TMEM43: variants seen among roughly 807,000 people sequenced by gnomAD.
TMEM43 encodes transmembrane protein 43.
In TMEM43, 45 loss-of-function variants were observed where a neutral mutation model predicts 49.6. The observed-to-expected ratio is 0.91, with a 90% CI of 0.71 to 1.16. The LOEUF (loss-of-function observed/expected upper bound fraction) is 1.16, where lower values mean the gene tolerates loss of function less well. Among genes scored for constraint, TMEM43 ranks in the 50% most tolerant of loss-of-function variants. TMEM43 has a pLI of 0.00. For missense variants in TMEM43, 532 were observed against 516.6 expected (o/e 1.03, Z -0.29); for synonymous variants, 199 against 207.8 (o/e 0.96, Z 0.36).
chr3:14,135,951 T>C (rs762737458), intron 10 of TMEM43, 43 bp downstream of exon 10: 1 of 1,478,904 alleles, frequency 6.8e-7, no homozygotes, highest in Non-Finnish European at 9.5e-7. Context: ...AACAAGCATG[T>C]CCTTCCTTCC....
At chr3:14,136,470 AG>A (rs1357105865) in intron 10 of TMEM43, among the ~76,000 whole-genome samples, 1 of 152,218 alleles carries the variant, frequency 6.6e-6, no homozygotes, top group Non-Finnish European at 1.5e-5. Context: ...AGTGTTGGAA[AG>A]AGGAGAACAG....
intron 11 of TMEM43, 60 bp downstream of exon 11, chr3:14,139,357 T>A: frequency 8.3e-7 from 1 of 1,203,074 alleles, no homozygotes; most frequent in Non-Finnish European, 1.2e-6. Context: ...CTCCTCTGCC[T>A]GTCGCATCAT....
chr3:14,134,930 A>G (rs1395293197), intron 8 of TMEM43, 39 bp downstream of exon 8: 4 of 1,613,520 alleles, frequency 2.5e-6, no homozygotes, highest in Non-Finnish European at 3.4e-6. Context: ...TAGGAGGGTC[A>G]GGGCGCTAGG....
Position 14,141,627 on chromosome 3 carries a change from C to G in TMEM43, c.1035C>G (p.Asn345Lys). The G allele has an allele frequency of 1.2e-6, 2 of 1,614,226 alleles. No homozygotes were observed. Among genetic ancestry groups the G allele is most frequent in the Non-Finnish European group, 1.7e-6 (2 of 1,180,048 alleles). ...DWFPVFRDLVNIGLKAFAFCV... is the reference protein window; with the variant it reads ...DWFPVFRDLVKIGLKAFAFCV... ...TTCCTGTTTTCCGAGACCTGGTCAA[C>G]ATTGGCCTGAAAGCCTTTGCCTTCT... The change falls in exon 12 of 12, where the codon AAC (asparagine) becomes AAG (lysine). Residue 345 changes from asparagine (N) to lysine (K), a missense_variant. By Grantham distance (94) the Asn-to-Lys change is moderately conservative (BLOSUM62 0). Transcript: ENST00000306077.
Position 14,132,834 on chromosome 3 carries a change from C to T in TMEM43, c.443-32C>T, listed in dbSNP as rs758030788. The T allele has an allele frequency of 1.3e-5, 21 of 1,608,498 alleles. No individual in the cohort carries two copies. The Admixed American group carries it at 1.7e-4, about 13-fold the overall frequency. The stretch of plus-strand genomic sequence containing the variant: ...GTCTCAGCCGCGTGCCACTCCTACC[C>T]GGGCTCTGAGTTGATTCCTCTCCCT... On this transcript the variant is annotated intron_variant, in intron 5 of 11. Transcript: ENST00000306077.
intron 6 of TMEM43, 89 bp from the exon 7 acceptor site, chr3:14,133,650 T>C: frequency 8.1e-7 from 1 of 1,234,104 alleles, no homozygotes; most frequent in South Asian, 1.2e-5. Flanking sequence ...AACCCCCGGG[T>C]GGGGACCCTG....
At chr3:14,138,180 G>A (rs1252489169) in intron 10 of TMEM43, among the ~76,000 whole-genome samples, 1 of 152,120 alleles carries the variant, frequency 6.6e-6, no homozygotes, top group African/African-American at 2.4e-5. Context: ...TAGGAAGCTG[G>A]CCAGGCATGA....
rs113449357 is a variant in TMEM43, at chr3:14,139,231, C to T, written c.934C>T (p.Arg312Trp). 20,235 of 1,614,114 alleles carry T rather than the reference C, an allele frequency of 0.013. 190 individuals carry two copies. Among genetic ancestry groups the T allele is most frequent in the Non-Finnish European group, 0.014 (16,648 of 1,179,954 alleles). The part of the protein sequence containing the change: ...RSNSMKTWGL[R>W]AAGWMAMFMG... ...CAACTCCATGAAGACCTGGGGCCTGCGGGCAGCTGGCTGGATGGCCATGTT... is the reference window on the plus strand; with the variant it reads ...CAACTCCATGAAGACCTGGGGCCTGTGGGCAGCTGGCTGGATGGCCATGTT... The change falls in exon 11 of 12, where the codon CGG (arginine) becomes TGG (tryptophan). Residue 312 changes from arginine (R) to tryptophan (W), a missense_variant. Arg to Trp is a moderately radical substitution (Grantham distance 101). Transcript: ENST00000306077.
At chr3:14,129,778 A>C (rs1363609672) in intron 2 of TMEM43, among the ~76,000 whole-genome samples, 4 of 152,240 alleles carry the variant, frequency 2.6e-5, no homozygotes, top group Admixed American at 6.5e-5. Context: ...CTGAATATCC[A>C]GGGGTTAGCA....
chr3:14,141,094 A>G (rs1396032306), intron 11 of TMEM43, among the ~76,000 whole-genome samples: 1 of 152,210 alleles, frequency 6.6e-6, no homozygotes, highest in Non-Finnish European at 1.5e-5. Flanking sequence ...TGCTTAGGCT[A>G]ATTTATTTCC....
At chr3:14,131,003 C>G (rs1297589525) in intron 3 of TMEM43, 47 bp downstream of exon 3, 3 of 1,583,496 alleles carry the variant, frequency 1.9e-6, no homozygotes, top group Non-Finnish European at 2.6e-6. Context: ...CGGGGCTCAT[C>G]CTGGATGTTG....
At chr3:14,130,701 C>T (rs1695081128) in intron 2 of TMEM43, 121 bp from the exon 3 acceptor site, 4 of 1,300,686 alleles carry the variant, frequency 3.1e-6, no homozygotes, top group Middle Eastern at 1.9e-4. Context: ...TCCAACTGTA[C>T]GGTGGGGAGA....
In TMEM43 at chr3:14,143,565, A is replaced by G. The variant is rs746279849; in HGVS notation, c.*1770A>G. ...GGATTTTAAATAACTGCCGACTTCA[A>G]AAGTGTTCTTAAAACGAAAGATAAT... On this transcript the variant is annotated 3_prime_UTR_variant, in exon 12 of 12. Transcript: ENST00000306077. 5.9e-5 allele frequency: 9 copies of G among 152,260 alleles called. No homozygotes were observed. Among genetic ancestry groups the G allele is most frequent in the Non-Finnish European group, 1.3e-4 (9 of 68,046 alleles). The allele number at this position is 152,260 out of a possible 1,614,324, so 9.4% of individuals were successfully genotyped here. A position where few individuals can be genotyped will look rare whatever the true frequency, so the allele number is the denominator to read the frequency against.
chr3:14,130,932 C>G lies in TMEM43; in HGVS notation c.273C>G (p.Ile91Met), dbSNP rs764733979. ...AGAATGAAGGAAGGCTGGTGCACAT[C>G]ATTGGCGCCTTACGGACATCCAAGG... ...APENEGRLVH[I>M]IGALRTSKLL... The change falls in exon 3 of 12, where the codon ATC (isoleucine) becomes ATG (methionine). Residue 91 changes from isoleucine to methionine, a missense_variant. Transcript: ENST00000306077. 9 of 1,612,528 alleles carry G rather than the reference C, an allele frequency of 5.6e-6. No individual in the cohort carries two copies. The highest frequency in any genetic ancestry group is 6.8e-6 in the Non-Finnish European group (8 of 1,178,960).
In TMEM43 at chr3:14,142,726, T is replaced by A. The variant is rs1559364115; in HGVS notation, c.*931T>A. On this transcript the variant is annotated 3_prime_UTR_variant, in exon 12 of 12. Coordinates refer to ENST00000306077, the MANE Select transcript of TMEM43 (RefSeq NM_024334.3). Reference sequence around the variant, plus strand: ...CACTGAGAAGCTTTACAATGGATGCTTTTGAAACAAGTATCAGCAAAAGGA... The same window carrying A: ...CACTGAGAAGCTTTACAATGGATGCATTTGAAACAAGTATCAGCAAAAGGA... 2 of 152,764 alleles carry A rather than the reference T, an allele frequency of 1.3e-5. No homozygotes were observed. Among genetic ancestry groups the A allele is most frequent in the East Asian group, 3.9e-4 (2 of 5,194 alleles). The allele number at this position is 152,764 out of a possible 1,614,324, so 9.5% of individuals were successfully genotyped here.
chr3:14,131,998 T>C (rs900267409), intron 4 of TMEM43, among the ~76,000 whole-genome samples: 5 of 152,092 alleles, frequency 3.3e-5, no homozygotes, highest in Non-Finnish European at 7.4e-5. Context: ...GAGACCCCAC[T>C]GCATCTCTCT....
At chr3:14,129,162 G>C in intron 1 of TMEM43, 1 of 409,894 alleles carries the variant, frequency 2.4e-6, no homozygotes, top group Non-Finnish European at 4.5e-6. Context: ...AGAATTGGCA[G>C]GAAAGGGGCA....
chr3:14,126,448 TG>T (rs1044778595), intron 1 of TMEM43, among the ~76,000 whole-genome samples: 1 of 152,166 alleles, frequency 6.6e-6, no homozygotes, highest in African/African-American at 2.4e-5. Context: ...TGGCATGCTG[TG>T]ACACGGAAAT....
chr3:14,129,334 A>AAAAT, intron 1 of TMEM43, 78 bp from the exon 2 acceptor site: 1 of 849,714 alleles, frequency 1.2e-6, no homozygotes, highest in Non-Finnish European at 1.7e-6. Flanking sequence ...AAAAAAAAAA[A>AAAAT]TTGAGTATAA....
Sources: gnomAD v4.1 joint callset for allele counts (sites outside exome capture counted in the v4.1 genomes callset) on GRCh38, gnomAD v4.1.1 for gene constraint, MANE v1.5 for transcripts, NCBI Gene and HGNC (gene_info 2026-07-23, HGNC 2026-07-21) for gene names.